Variants in TRAM2 observed in about 807,000 individuals in gnomAD.
TRAM2 encodes the protein translocating chain-associated membrane protein 2.
Under a neutral mutation model 51.0 loss-of-function variants are expected in TRAM2, and 12 were observed. The observed-to-expected ratio is 0.24, with a 90% CI of 0.15 to 0.38. The LOEUF (loss-of-function observed/expected upper bound fraction) is 0.38, where lower values mean the gene tolerates loss of function less well. Among genes scored for constraint, TRAM2 ranks in the 10% least tolerant of loss-of-function variants. The pLI is 1.00. For missense variants in TRAM2, 361 were observed against 462.0 expected, an observed-to-expected ratio of 0.78 and a Z score of 2.00; for synonymous variants, 175 against 179.4, an observed-to-expected ratio of 0.98 and a Z score of 0.20.
intron 1 of TRAM2, among the ~76,000 whole-genome samples, chr6:52,556,274 G>A (rs1257801807): frequency 4.5e-5 from 5 of 111,256 alleles, no homozygotes; most frequent in African/African-American, 1.7e-4. Flanking sequence ...TGTACTTTTT[G>A]TTTTGTTTGG....
intron 1 of TRAM2, among the ~76,000 whole-genome samples, chr6:52,576,112 T>C (rs551406198): frequency 1.6e-4 from 24 of 152,238 alleles, no homozygotes; most frequent in Middle Eastern, 6.8e-3. Context: ...TTCTTGTCTC[T>C]GTAAAGGGGG....
At position 52,504,818 on chromosome 6, in the gene TRAM2, G is replaced by A. The variant is rs1184934548; in HGVS notation, c.876-64C>T. The A allele has an allele frequency of 4.7e-6, 7 of 1,499,750 alleles. No individual in the cohort carries two copies. In the East Asian group the frequency reaches 1.5e-4, roughly 31 times the overall value. The allele number at this position is 1,499,750 out of a possible 1,614,324, so 92.9% of individuals were successfully genotyped here. A position where few individuals can be genotyped will look rare whatever the true frequency, so the allele number is the denominator to read the frequency against. On this transcript the variant is annotated intron_variant, in intron 9 of 10. Coordinates refer to ENST00000182527, the MANE Select transcript of TRAM2 (RefSeq NM_012288.4). The stretch of plus-strand genomic sequence containing the variant: ...GGCTCACAGCCTTGGGCTGGGTTGT[G>A]CAGGGGAGAACAAGGGCCAGGGGCC...
chr6:52,531,193 A>T (rs2114083113), intron 2 of TRAM2, among the ~76,000 whole-genome samples: 1 of 149,558 alleles, frequency 6.7e-6, no homozygotes, highest in Admixed American at 6.6e-5. Context: ...GGAGGGTTTT[A>T]AAAATCACAA....
intron 1 of TRAM2, among the ~76,000 whole-genome samples, chr6:52,560,487 C>T (rs1767481131): frequency 6.6e-6 from 1 of 152,198 alleles, no homozygotes; most frequent in South Asian, 2.1e-4. Context: ...AAAGATTGAT[C>T]TCATCCTCTT....
intron 5 of TRAM2, 117 bp downstream of exon 5, chr6:52,509,411 G>T: frequency 1.1e-6 from 1 of 928,634 alleles, no homozygotes. Flanking sequence ...ATAGGCTCAG[G>T]GCATGATCTG....
chr6:52,542,276 T>TTA (rs1554265361), intron 1 of TRAM2, among the ~76,000 whole-genome samples: 61 of 147,782 alleles, frequency 4.1e-4, no homozygotes, highest in Non-Finnish European at 6.5e-4. Context: ...TTTTTTTTTT[T>TTA]AAAAAAAATA....
chr6:52,535,588 G>A (rs1244335071), intron 2 of TRAM2, among the ~76,000 whole-genome samples, 195 bp downstream of exon 2: 5 of 152,342 alleles, frequency 3.3e-5, no homozygotes, highest in Middle Eastern at 6.8e-3. Context: ...GGCTGAGGCA[G>A]GAGAACTGCT....
At chr6:52,555,574 C>T (rs1767391087) in intron 1 of TRAM2, among the ~76,000 whole-genome samples, 1 of 152,066 alleles carries the variant, frequency 6.6e-6, no homozygotes, top group Non-Finnish European at 1.5e-5. Flanking sequence ...CAGAAAAAGG[C>T]CCACACCAAT....
intron 1 of TRAM2, among the ~76,000 whole-genome samples, chr6:52,550,158 C>G (rs1428622390): frequency 6.6e-6 from 1 of 152,170 alleles, no homozygotes; most frequent in Non-Finnish European, 1.5e-5. Flanking sequence ...TATTCATCAC[C>G]TGGCTCCTTT....
intron 2 of TRAM2, among the ~76,000 whole-genome samples, chr6:52,525,329 G>A (rs1194645654): frequency 6.6e-6 from 1 of 152,212 alleles, no homozygotes; most frequent in African/African-American, 2.4e-5. Context: ...CAGGCATGGG[G>A]CAAGCAGCCT....
intron 7 of TRAM2, among the ~76,000 whole-genome samples, chr6:52,506,736 A>G (rs530908092): frequency 6.6e-6 from 1 of 152,122 alleles, no homozygotes; most frequent in African/African-American, 2.4e-5. Flanking sequence ...GCCCTCAAAG[A>G]CCCATCCGGG....
In TRAM2 at chr6:52,532,410, T is replaced by C. The variant is rs146255638; in HGVS notation, c.184+3373A>G. 1.4e-3 allele frequency among the ~76,000 whole-genome samples: 214 copies of C among 152,324 alleles called. 1 individual carries two copies. Among genetic ancestry groups the C allele is most frequent in the African/African-American group, 5.0e-3 (208 of 41,576 alleles). ...AATGTTTGATGACTGGCTATCTCTA[T>C]AGACATTTATAAACTGGTATTCTGA... On this transcript the variant is annotated intron_variant, in intron 2 of 10. Transcript: ENST00000182527.
intron 1 of TRAM2, among the ~76,000 whole-genome samples, chr6:52,557,062 G>A (rs903710557): frequency 3.3e-5 from 5 of 152,024 alleles, no homozygotes; most frequent in African/African-American, 1.2e-4. Context: ...GTGTGGTGGC[G>A]GGCACCTGTA....
At chr6:52,552,719 T>TC (rs1056398618) in intron 1 of TRAM2, among the ~76,000 whole-genome samples, 79 of 152,284 alleles carry the variant, frequency 5.2e-4, no homozygotes, top group African/African-American at 1.9e-3. Context: ...CCGGCGACAC[T>TC]CAGATCTACT....
intron 4 of TRAM2, 51 bp downstream of exon 4, chr6:52,515,955 T>C (rs773436708): frequency 1.5e-5 from 22 of 1,506,880 alleles, no homozygotes; most frequent in Non-Finnish European, 1.9e-5. Flanking sequence ...AGAGCTGGAA[T>C]TGCCCCTTGG....
At chr6:52,568,570 G>A (rs189031628) in intron 1 of TRAM2, among the ~76,000 whole-genome samples, 681 of 152,202 alleles carry the variant, frequency 4.5e-3, no homozygotes, top group Non-Finnish European at 7.7e-3. Context: ...GTTCATCCTG[G>A]GATTGCTCCT....
chr6:52,513,779 T>C (rs1766493577), intron 4 of TRAM2, among the ~76,000 whole-genome samples: 1 of 152,166 alleles, frequency 6.6e-6, no homozygotes, highest in African/African-American at 2.4e-5. Flanking sequence ...GATGGGACTT[T>C]TAAGCACGGG....
intron 1 of TRAM2, among the ~76,000 whole-genome samples, chr6:52,541,337 A>G (rs1280002575): frequency 6.6e-6 from 1 of 152,214 alleles, no homozygotes; most frequent in Non-Finnish European, 1.5e-5. Context: ...ACCCTACAAG[A>G]TAGGTACTAA....
At chr6:52,554,445 A>C (rs1767365360) in intron 1 of TRAM2, among the ~76,000 whole-genome samples, 1 of 150,232 alleles carries the variant, frequency 6.7e-6, no homozygotes, top group African/African-American at 2.4e-5. Context: ...GCTTGAATCC[A>C]GGAGGCAGAG....
Sources: allele counts gnomAD v4.1 joint callset (sites outside exome capture counted in the v4.1 genomes callset), GRCh38; gene constraint gnomAD v4.1.1; transcripts MANE v1.5; gene names NCBI Gene and HGNC (gene_info 2026-07-23, HGNC 2026-07-21).